The following PDE4D variants were observed in gnomAD, a reference collection of about 807,000 sequenced individuals.
The protein encoded by PDE4D is phosphodiesterase 4D.
In PDE4D, 24 loss-of-function variants were observed where a neutral mutation model predicts 87.4. The observed-to-expected ratio is 0.27, with a 90% CI of 0.20 to 0.39. The LOEUF is 0.39. PDE4D is among the 10% of genes least tolerant of loss of function. PDE4D has a pLI of 1.00. For missense variants in PDE4D, 714 were observed against 1,041.0 expected, an observed-to-expected ratio of 0.69 and a Z score of 4.32; for synonymous variants, 384 against 383.2, an observed-to-expected ratio of 1.00 and a Z score of -0.02.
chr5:59,609,803 A>G (rs939072086), intron 1 of PDE4D, among the ~76,000 whole-genome samples: 4 of 152,180 alleles, frequency 2.6e-5, no homozygotes, highest in Non-Finnish European at 5.9e-5. Flanking sequence ...CCTCAGCCAC[A>G]AACTCTGAGC....
intron 3 of PDE4D, among the ~76,000 whole-genome samples, chr5:59,956,550 C>T (rs980097432): frequency 2.6e-5 from 4 of 152,180 alleles, no homozygotes; most frequent in East Asian, 1.9e-4. Flanking sequence ...GTGAACCAAA[C>T]GCAACCAAAT....
At chr5:59,237,525 T>C (rs1756696526) in intron 1 of PDE4D, among the ~76,000 whole-genome samples, 1 of 152,174 alleles carries the variant, frequency 6.6e-6, no homozygotes. Context: ...GATGCTGTGA[T>C]TTCAAATCTT....
At chr5:60,338,591 T>C (rs1366284768) in intron 1 of PDE4D, among the ~76,000 whole-genome samples, 1 of 152,102 alleles carries the variant, frequency 6.6e-6, no homozygotes, top group Non-Finnish European at 1.5e-5. Context: ...ACACACGACA[T>C]GTCCATGTGA....
chr5:60,308,157 A>G (rs1754673994), intron 1 of PDE4D, among the ~76,000 whole-genome samples: 1 of 152,240 alleles, frequency 6.6e-6, no homozygotes, highest in African/African-American at 2.4e-5. Flanking sequence ...GCAGCAGTAT[A>G]TAGTCTCATA....
rs371052334 is a variant in PDE4D at position 59,037,603 on chromosome 5, C to CA, written c.921+1255dup. On this transcript the variant is annotated intron_variant, in intron 6 of 14. Transcript: ENST00000340635. ...AAATTTAGAAATGAGGCACAAATGA[C>CA]AAAAAAATTGATCATCAGTGTGGAC... Among the ~76,000 whole-genome samples, 816 of 152,104 alleles carry CA rather than the reference C, an allele frequency of 5.4e-3. 13 individuals are homozygous for CA. The highest frequency in any genetic ancestry group is 0.018 in the African/African-American group (757 of 41,510).
At chr5:59,053,638 G>GTTTTTTTTTTTT (rs1205199951) in intron 5 of PDE4D, among the ~76,000 whole-genome samples, 2 of 84,666 alleles carry the variant, frequency 2.4e-5, no homozygotes, top group African/African-American at 5.1e-5. Context: ...AAGTTGTTTT[G>GTTTTTTTTTTTT]TTTTTTGTTT....
chr5:59,740,482 A>T (rs1030246635), intron 1 of PDE4D, among the ~76,000 whole-genome samples: 1 of 152,182 alleles, frequency 6.6e-6, no homozygotes, highest in Admixed American at 6.5e-5. Flanking sequence ...ACACATTTAT[A>T]CCTTGTAAAT....
chr5:60,013,835 A>T (rs1010481999), intron 2 of PDE4D, among the ~76,000 whole-genome samples: 1 of 151,446 alleles, frequency 6.6e-6, no homozygotes, highest in Non-Finnish European at 1.5e-5. Context: ...CCTTTAAAAC[A>T]CCTTCCCTTG....
chr5:60,465,413 TA>T (rs1319717031), intron 1 of PDE4D, among the ~76,000 whole-genome samples: 5 of 152,192 alleles, frequency 3.3e-5, no homozygotes, highest in Non-Finnish European at 7.3e-5. Context: ...TGTATAAGCA[TA>T]AATTTGACAT....
chr5:59,083,731 G>A (rs781282931), intron 5 of PDE4D, among the ~76,000 whole-genome samples: 7 of 152,064 alleles, frequency 4.6e-5, no homozygotes, highest in Non-Finnish European at 1.0e-4. Context: ...GAAAGCAGAA[G>A]ATAAATTGTC....
chr5:59,992,363 C>T lies in PDE4D; in HGVS notation c.43-3646G>A, dbSNP rs1210013259. Among the ~76,000 whole-genome samples, 3 of 151,848 alleles carry T rather than the reference C, an allele frequency of 2.0e-5. No individual in the cohort carries two copies. The East Asian group carries it at 5.8e-4, about 29-fold the overall frequency. ...TCCTTGCTCCTCAGCTTACAGACCG[C>T]CTATTGTGGGACTTCACCTTGTGAT... On this transcript the variant is annotated intron_variant, in intron 2 of 16. Coordinates refer to the PDE4D transcript ENST00000502484.
At chr5:60,146,789 A>G (rs1409687344) in intron 2 of PDE4D, among the ~76,000 whole-genome samples, 1 of 152,226 alleles carries the variant, frequency 6.6e-6, no homozygotes, top group Non-Finnish European at 1.5e-5. Flanking sequence ...AAGAAAATAA[A>G]TAACTCATTT....
chr5:59,204,446 T>C (rs945173724), intron 2 of PDE4D, among the ~76,000 whole-genome samples: 1 of 152,252 alleles, frequency 6.6e-6, no homozygotes, highest in Admixed American at 6.5e-5. Context: ...GCACAAAGAC[T>C]ATCTCTGTTA....
chr5:60,375,047 T>C (rs1378857496), intron 1 of PDE4D, among the ~76,000 whole-genome samples: 1 of 152,232 alleles, frequency 6.6e-6, no homozygotes, highest in Non-Finnish European at 1.5e-5. Context: ...GTGGGCAACA[T>C]GGCCAACCTT....
At chr5:59,295,485 T>C (rs1033337064) in intron 1 of PDE4D, among the ~76,000 whole-genome samples, 61 of 152,162 alleles carry the variant, frequency 4.0e-4, no homozygotes, top group African/African-American at 1.4e-3. Flanking sequence ...ACTGTTCTTC[T>C]AGGTTATCCA....
rs919371278 is a variant in PDE4D, at chr5:59,476,975, G to C, written c.456-261007C>G. ...TCAATAATTTATAAGAAAATATCCA[G>C]AGATAATAGTAACACATGAAAAAGA... On this transcript the variant is annotated intron_variant, in intron 1 of 14. Coordinates refer to ENST00000340635, the MANE Select transcript of PDE4D (RefSeq NM_001104631.2). 9.2e-5 allele frequency among the ~76,000 whole-genome samples: 14 copies of C among 151,902 alleles called. No homozygotes were observed. The South Asian group carries it at 1.0e-3, about 11-fold the overall frequency.
At chr5:59,089,559 G>T (rs1262452112) in intron 5 of PDE4D, among the ~76,000 whole-genome samples, 1 of 152,130 alleles carries the variant, frequency 6.6e-6, no homozygotes, top group Non-Finnish European at 1.5e-5. Flanking sequence ...TGGGGAAACT[G>T]AGGCACAGAG....
chr5:59,240,178 T>G (rs1757355445), intron 1 of PDE4D, among the ~76,000 whole-genome samples: 2 of 152,254 alleles, frequency 1.3e-5, no homozygotes, highest in South Asian at 4.1e-4. Context: ...ATTGGTATAT[T>G]TACAGTCTCC....
intron 1 of PDE4D, among the ~76,000 whole-genome samples, chr5:59,402,583 T>A (rs1790858653): frequency 6.6e-6 from 1 of 151,802 alleles, no homozygotes; most frequent in African/African-American, 2.4e-5. Context: ...GTTAAAAAAT[T>A]CCAATCCAAG....
Sources: allele counts gnomAD v4.1 joint callset (sites outside exome capture counted in the v4.1 genomes callset), GRCh38; gene constraint gnomAD v4.1.1; transcripts MANE v1.5; gene names NCBI Gene and HGNC (gene_info 2026-07-23, HGNC 2026-07-21).